Variants in MYH14 observed in about 807,000 individuals in gnomAD.
MYH14 encodes myosin heavy chain 14, also known as myosin-14.
Under a neutral mutation model 255.5 loss-of-function variants are expected in MYH14, and 123 were observed. The observed-to-expected ratio is 0.48, with a 90% confidence interval of 0.42 to 0.56. MYH14 has a LOEUF of 0.56. MYH14 is among the 20% of genes least tolerant of loss of function. The pLI is 0.00. For synonymous variants in MYH14, 1,095 were observed against 1,161.2 expected (o/e 0.94, Z 1.16); for missense variants, 2,423 against 2,802.3 (o/e 0.86, Z 3.06).
intron 27 of MYH14, among the ~76,000 whole-genome samples, chr19:50,274,712 T>C (rs1305867864): frequency 6.6e-6 from 1 of 152,176 alleles, no homozygotes; most frequent in Non-Finnish European, 1.5e-5. Context: ...GAGGGTCGCC[T>C]GAGCCCAGGA....
At chr19:50,282,241 C>T (rs2035749983) in intron 33 of MYH14, among the ~76,000 whole-genome samples, 1 of 152,156 alleles carries the variant, frequency 6.6e-6, no homozygotes, top group Non-Finnish European at 1.5e-5. Context: ...TGGAAAATGG[C>T]AATAATACCA....
chr19:50,209,960 T>C (rs1189772846), intron 1 of MYH14, among the ~76,000 whole-genome samples: 1 of 150,314 alleles, frequency 6.7e-6, no homozygotes, highest in East Asian at 1.9e-4. Context: ...TAGCTGGGCG[T>C]GGTGGCAGAC....
intron 10 of MYH14, among the ~76,000 whole-genome samples, chr19:50,232,873 T>G: frequency 6.7e-6 from 1 of 150,128 alleles, no homozygotes. Context: ...GGGTGGGGAG[T>G]CTCAAACGCC....
chr19:50,273,199 G>A (rs181174373), intron 27 of MYH14, among the ~76,000 whole-genome samples: 97 of 144,746 alleles, frequency 6.7e-4, no homozygotes, highest in African/African-American at 2.0e-3. Context: ...ACTTAAGCAC[G>A]AGAATTGCTT....
Position 50,276,973 on chromosome 19 carries a change from T to A in MYH14, c.3825+72T>A, listed in dbSNP as rs2035534874. 2 of 1,232,682 alleles carry A rather than the reference T, an allele frequency of 1.6e-6. No homozygotes were observed. Among genetic ancestry groups the A allele is most frequent in the Middle Eastern group, 5.5e-4 (2 of 3,606 alleles). 76.4% of individuals were successfully genotyped at this position (1,232,682 alleles called of 1,614,324 possible). A position where few individuals can be genotyped will look rare whatever the true frequency, so the allele number is the denominator to read the frequency against. On this transcript the variant is annotated intron_variant, in intron 29 of 42. Coordinates refer to ENST00000642316, the MANE Select transcript of MYH14 (RefSeq NM_001145809.2). This position sits in a 1 kb window ranked among gnomAD's most constrained non-coding sequence, Gnocchi z 4.3. ...GGGCAGGACGCGGGGTTGGAGGAGG[T>A]ACCGCTGGCTGGTTCTAGGCTAGCT...
intron 39 of MYH14, among the ~76,000 whole-genome samples, chr19:50,294,706 G>A (rs2036203608): frequency 6.7e-6 from 1 of 149,264 alleles, no homozygotes; most frequent in South Asian, 2.2e-4. Context: ...TCCAGCCTGG[G>A]TGACTGGATG....
chr19:50,243,990 T>C (rs2033992357), intron 10 of MYH14, among the ~76,000 whole-genome samples: 1 of 151,972 alleles, frequency 6.6e-6, no homozygotes, highest in East Asian at 1.9e-4. Flanking sequence ...TTTTTTTTTT[T>C]TTGAGATGGA....
chr19:50,281,904 G>A (rs1252794857), intron 33 of MYH14, 62 bp downstream of exon 33: 22 of 1,548,384 alleles, frequency 1.4e-5, no homozygotes, highest in South Asian at 3.6e-5. Context: ...TCCCATGGTC[G>A]TTGTGAGGAA....
rs55934167 is a variant in MYH14, at chr19:50,217,536, C to T, written c.406-79C>T. The T allele has an allele frequency of 0.31, 471,250 of 1,536,588 alleles. 75,306 individuals are homozygous for T. The highest frequency in any genetic ancestry group is 0.38 in the South Asian group (34,250 of 89,158). On this transcript the variant is annotated intron_variant, in intron 2 of 42. Transcript: ENST00000642316. The stretch of plus-strand genomic sequence containing the variant: ...CAGATAGATGCCCTTGTGCAGTGCA[C>T]GGCCTGCTCAGCAGCCCCATGACGC...
At chr19:50,204,913 T>TA (rs1367725761) in intron 1 of MYH14, among the ~76,000 whole-genome samples, 6 of 151,098 alleles carry the variant, frequency 4.0e-5, no homozygotes, top group Admixed American at 6.6e-5. Context: ...TTTTTTTTTT[T>TA]AAATCATTTT....
chr19:50,258,741 A>AAAAACAAAC (rs761216499), intron 18 of MYH14: 1 of 145,556 alleles, frequency 6.9e-6, no homozygotes, highest in African/African-American at 2.8e-5. Flanking sequence ...AAAAAAAAAA[A>AAAAACAAAC]AAACGAACAA....
chr19:50,215,711 TGG>T (rs1291533047), intron 2 of MYH14, among the ~76,000 whole-genome samples: 2 of 152,048 alleles, frequency 1.3e-5, no homozygotes, highest in Non-Finnish European at 2.9e-5. Context: ...CCCATCTGCT[TGG>T]GAGGCTGAGG....
Position 50,230,499 on chromosome 19 carries a change from C to G in MYH14, c.875-26C>G. Reference sequence around the variant, plus strand: ...CAGCGTCGGGGCCGTCCCTTCCCCTCTAGCACCTTGACTCGCTGTGTCCAG... The same window carrying G: ...CAGCGTCGGGGCCGTCCCTTCCCCTGTAGCACCTTGACTCGCTGTGTCCAG... On this transcript the variant is annotated intron_variant, in intron 8 of 42. Coordinates refer to ENST00000642316, the MANE Select transcript of MYH14 (RefSeq NM_001145809.2). The surrounding 1 kb of genome is among the most constrained non-coding windows in gnomAD (Gnocchi z 4.7). The G allele has an allele frequency of 2.6e-6, 4 of 1,549,710 alleles. No homozygotes were observed. Among genetic ancestry groups the G allele is most frequent in the Non-Finnish European group, 3.5e-6 (4 of 1,145,712 alleles).
chr19:50,232,239 A>C (rs1452027460), intron 10 of MYH14, among the ~76,000 whole-genome samples, 169 bp downstream of exon 10: 2 of 152,208 alleles, frequency 1.3e-5, no homozygotes, highest in Non-Finnish European at 2.9e-5. Context: ...TGCCTTGAGG[A>C]AGCTGACAAA....
rs376379600 is a variant in MYH14 at position 50,310,171 on chromosome 19, T to TTCTC, written c.*400_*403dup. 3.5e-4 allele frequency: 85 copies of TTCTC among 240,880 alleles called. No individual in the cohort carries two copies. Among genetic ancestry groups the TTCTC allele is most frequent in the African/African-American group, 1.7e-3 (72 of 41,750 alleles). The allele number at this position is 240,880 out of a possible 1,614,324, so 14.9% of individuals were successfully genotyped here. A position where few individuals can be genotyped will look rare whatever the true frequency, so the allele number is the denominator to read the frequency against. On this transcript the variant is annotated 3_prime_UTR_variant, in exon 43 of 43. Transcript: ENST00000642316. ...AGCCAGTGCAACCCATTCCCTCTGCTTCTCTCTCTCTCTCTCTCTCTCCCT... is the reference window on the plus strand; with the variant it reads ...AGCCAGTGCAACCCATTCCCTCTGCTTCTCTCTCTCTCTCTCTCTCTCTCTCCCT...
In MYH14 at chr19:50,230,176, G is replaced by A. The variant is rs552549609; in HGVS notation, c.875-349G>A. Among the ~76,000 whole-genome samples the A allele has an allele frequency of 5.3e-5, 8 of 152,356 alleles. No individual in the cohort carries two copies. The East Asian group carries it at 1.5e-3, about 29-fold the overall frequency. ...GATCCGCCTGCCTTGGCTTTCCAAA[G>A]TGTTGGGATTACAGGCGTGAGCCAC... On this transcript the variant is annotated intron_variant, in intron 8 of 42. Coordinates refer to ENST00000642316, the MANE Select transcript of MYH14 (RefSeq NM_001145809.2). This position sits in a 1 kb window ranked among gnomAD's most constrained non-coding sequence, Gnocchi z 4.7.
intron 41 of MYH14, among the ~76,000 whole-genome samples, chr19:50,307,962 G>A (rs2036709235): frequency 6.6e-6 from 1 of 152,198 alleles, no homozygotes; most frequent in South Asian, 2.1e-4. Flanking sequence ...CGAAACAGAG[G>A]AAGTCCCTGC....
rs1039559781 is a variant in MYH14 at position 50,259,115 on chromosome 19, A to AC, written c.2233-24dup. 8 of 1,537,744 alleles carry AC rather than the reference A, an allele frequency of 5.2e-6. No homozygotes were observed. In the Middle Eastern group the frequency reaches 5.0e-4, roughly 97 times the overall value. ...TGGCGCCCCCGTGTGGCCGCCGCTG[A>AC]CCCCCGCGTGTCCGTCCGCTCTCCC... On this transcript the variant is annotated intron_variant, in intron 18 of 42. Coordinates refer to ENST00000642316, the MANE Select transcript of MYH14 (RefSeq NM_001145809.2).
intron 1 of MYH14, among the ~76,000 whole-genome samples, chr19:50,207,095 C>A (rs1046290072): frequency 7.1e-6 from 1 of 141,036 alleles, no homozygotes; most frequent in African/African-American, 2.7e-5. Context: ...CCTGATGGTG[C>A]GCACCTGTGG....
Sources: gnomAD v4.1 joint callset for allele counts (sites outside exome capture counted in the v4.1 genomes callset) on GRCh38, gnomAD v4.1.1 for gene constraint, Gnocchi (gnomAD v3.1) non-coding constraint, MANE v1.5 for transcripts, NCBI Gene and HGNC (gene_info 2026-07-23, HGNC 2026-07-21) for gene names.